The following CDC42BPA variants were observed in gnomAD, a reference collection of about 807,000 sequenced individuals.
CDC42BPA encodes the protein CDC42 binding protein kinase alpha, also known as serine/threonine-protein kinase MRCK alpha.
CDC42BPA carries 80 observed loss-of-function variants against 223.5 expected under a neutral mutation model. The ratio of observed to expected loss-of-function variants is 0.36; its 90% CI spans 0.30 to 0.43. The LOEUF is 0.43. Ranked by LOEUF, CDC42BPA falls within the 20% of genes least tolerant of loss-of-function variation. CDC42BPA has a pLI of 1.00. For missense variants in CDC42BPA, 1,743 were observed against 2,099.9 expected (o/e 0.83, Z 3.32); for synonymous variants, 694 against 718.6 (o/e 0.97, Z 0.55).
intron 21 of CDC42BPA, among the ~76,000 whole-genome samples, chr1:227,055,016 C>T (rs1024854676): frequency 6.6e-6 from 1 of 151,602 alleles, no homozygotes. Context: ...TTGAACTATG[C>T]CATTTATAGT....
intron 8 of CDC42BPA, among the ~76,000 whole-genome samples, chr1:227,144,581 A>C (rs1660354689): frequency 1.1e-5 from 1 of 94,664 alleles, no homozygotes; most frequent in African/African-American, 3.3e-5. Context: ...TCTCAAAAAA[A>C]AAAAAAAAAA....
intron 5 of CDC42BPA, among the ~76,000 whole-genome samples, chr1:227,184,489 C>T (rs888494349): frequency 3.3e-5 from 5 of 152,050 alleles, no homozygotes; most frequent in East Asian, 3.9e-4. Context: ...TGTTAGCCTA[C>T]ATCTGGGCTT....
At chr1:227,309,313 C>G (rs939220971) in intron 1 of CDC42BPA, among the ~76,000 whole-genome samples, 13 of 152,014 alleles carry the variant, frequency 8.6e-5, no homozygotes, top group African/African-American at 2.4e-4. Context: ...TCTGGCCTCC[C>G]AAAAACTCTG....
At chr1:227,083,990 A>C (rs1681275746) in intron 16 of CDC42BPA, among the ~76,000 whole-genome samples, 1 of 152,222 alleles carries the variant, frequency 6.6e-6, no homozygotes, top group Non-Finnish European at 1.5e-5. Flanking sequence ...AAATGCCTAA[A>C]GAGGAAAAGT....
chr1:227,049,840 C>T (rs1673175283), intron 22 of CDC42BPA, among the ~76,000 whole-genome samples: 1 of 152,002 alleles, frequency 6.6e-6, no homozygotes, highest in Non-Finnish European at 1.5e-5. Context: ...GCCCATTTCC[C>T]ATTATACATA....
chr1:227,246,133 G>C (rs1469085095), intron 2 of CDC42BPA, among the ~76,000 whole-genome samples: 3 of 152,150 alleles, frequency 2.0e-5, no homozygotes, highest in Admixed American at 6.5e-5. Flanking sequence ...AGAGCTCTTG[G>C]GCTTTAAGTG....
chr1:227,212,625 C>T (rs1674128510), intron 3 of CDC42BPA, among the ~76,000 whole-genome samples: 1 of 152,092 alleles, frequency 6.6e-6, no homozygotes, highest in Non-Finnish European at 1.5e-5. Context: ...TCAATCCTTC[C>T]CTCAAATCTA....
chr1:227,031,263 A>G, intron 28 of CDC42BPA, 35 bp downstream of exon 28: 1 of 1,516,106 alleles, frequency 6.6e-7, no homozygotes. Flanking sequence ...TTAGTAAACA[A>G]TGATAATAAT....
chr1:227,187,637 A>G (rs1254722885), intron 5 of CDC42BPA, among the ~76,000 whole-genome samples: 1 of 149,594 alleles, frequency 6.7e-6, no homozygotes, highest in East Asian at 2.0e-4. Flanking sequence ...CCACAGAGCC[A>G]GGAAATTCAA....
intron 1 of CDC42BPA, among the ~76,000 whole-genome samples, chr1:227,304,251 C>A (rs181715663): frequency 6.6e-6 from 1 of 151,960 alleles, no homozygotes; most frequent in Non-Finnish European, 1.5e-5. Context: ...CAAAAAAATA[C>A]AAAAATCAGC....
intron 7 of CDC42BPA, among the ~76,000 whole-genome samples, chr1:227,146,095 T>C (rs968801895): frequency 2.6e-4 from 40 of 152,266 alleles, no homozygotes; most frequent in African/African-American, 8.2e-4. Context: ...TACATACTAA[T>C]GATTAACTAA....
chr1:227,262,839 TTAATC>T (rs1388643279), intron 1 of CDC42BPA, among the ~76,000 whole-genome samples: 1 of 152,214 alleles, frequency 6.6e-6, no homozygotes, highest in African/African-American at 2.4e-5. Context: ...CACCTAAACA[TTAATC>T]TAACACATTC....
At chr1:227,176,752 T>C (rs1667022334) in intron 5 of CDC42BPA, among the ~76,000 whole-genome samples, 1 of 152,170 alleles carries the variant, frequency 6.6e-6, no homozygotes, top group Admixed American at 6.5e-5. Flanking sequence ...CTATACTAAC[T>C]AGATTAGTAT....
At chr1:227,259,340 G>A (rs1683648472) in intron 1 of CDC42BPA, among the ~76,000 whole-genome samples, 1 of 150,920 alleles carries the variant, frequency 6.6e-6, no homozygotes, top group Non-Finnish European at 1.5e-5. Context: ...CAAGTGTTGA[G>A]GCAAACATCC....
Position 227,093,810 on chromosome 1 carries a change from G to A in CDC42BPA, c.2250-1819C>T, listed in dbSNP as rs111493837. On this transcript the variant is annotated intron_variant, in intron 15 of 36. Coordinates refer to ENST00000366766, the MANE Select transcript of CDC42BPA (RefSeq NM_001394014.1). ...CTATATTAATTTTGTCTCAGTTTCT[G>A]TCTTTTGGACAACATATTGGAACCT... Among the ~76,000 whole-genome samples the A allele has an allele frequency of 6.0e-3, 916 of 152,212 alleles. 6 individuals are homozygous for A. The highest frequency in any genetic ancestry group is 0.024 in the Middle Eastern group (7 of 294).
At chr1:227,097,056 C>T (rs1229777688) in intron 15 of CDC42BPA, among the ~76,000 whole-genome samples, 2 of 152,056 alleles carry the variant, frequency 1.3e-5, no homozygotes, top group Non-Finnish European at 2.9e-5. Context: ...TAAGGCCAAC[C>T]CCTTCATTAT....
intron 1 of CDC42BPA, among the ~76,000 whole-genome samples, chr1:227,274,976 G>A (rs1686665353): frequency 6.6e-6 from 1 of 152,036 alleles, no homozygotes; most frequent in Admixed American, 6.6e-5. Context: ...CATTAAGCTA[G>A]GTAATTTTAA....
intron 1 of CDC42BPA, among the ~76,000 whole-genome samples, chr1:227,304,100 T>G (rs1389873110): frequency 6.6e-6 from 1 of 152,166 alleles, no homozygotes; most frequent in Non-Finnish European, 1.5e-5. Flanking sequence ...TGACTACTCA[T>G]ATAAGAAATC....
chr1:227,033,397 C>T lies in CDC42BPA; in HGVS notation c.3495G>A (p.Val1165=), dbSNP rs752540863. The T allele has an allele frequency of 1.2e-6, 2 of 1,613,284 alleles. No homozygotes were observed. Among genetic ancestry groups the T allele is most frequent in the South Asian group, 2.2e-5 (2 of 91,052 alleles). The change falls in exon 27 of 37, where the codon GTG becomes GTA. Residue 1165 remains valine, a synonymous_variant. Transcript: ENST00000366766. ...TAACATCAGAAGCCAAGACTGAACTCACAGAAAATTCTTCATCCCTGAACG... is the reference window on the plus strand; with the variant it reads ...TAACATCAGAAGCCAAGACTGAACTTACAGAAAATTCTTCATCCCTGAACG... The part of the protein sequence containing the change: ...VIDMRDEEFS[V]SSVLASDVIH...
Sources: allele counts gnomAD v4.1 joint callset (sites outside exome capture counted in the v4.1 genomes callset), GRCh38; gene constraint gnomAD v4.1.1; transcripts MANE v1.5; gene names NCBI Gene and HGNC (gene_info 2026-07-23, HGNC 2026-07-21).